TULP4: variants seen among roughly 807,000 people sequenced by gnomAD.
The protein encoded by TULP4 is tubby-related protein 4.
Under a neutral mutation model 129.0 loss-of-function variants are expected in TULP4, and 16 were observed. The ratio of observed to expected loss-of-function variants is 0.12; its 90% CI spans 0.08 to 0.19. The LOEUF (loss-of-function observed/expected upper bound fraction) is 0.19, where lower values mean the gene tolerates loss of function less well. Ranked by LOEUF, TULP4 falls within the 10% of genes least tolerant of loss-of-function variation. The pLI is 1.00. For missense variants in TULP4, 1,842 were observed against 2,059.1 expected, an observed-to-expected ratio of 0.89 and a Z score of 2.04; for synonymous variants, 998 against 854.0, an observed-to-expected ratio of 1.17 and a Z score of -2.94.
upstream of TULP4, among the ~76,000 whole-genome samples, chr6:158,311,897 T>TCA (rs1176876180): frequency 3.3e-5 from 5 of 152,248 alleles, no homozygotes; most frequent in African/African-American, 1.2e-4. Context: ...ATCCTTTCAC[T>TCA]ATTGGATTTT....
At chr6:158,420,429 T>G (rs991741449) in intron 2 of TULP4, among the ~76,000 whole-genome samples, 1 of 152,194 alleles carries the variant, frequency 6.6e-6, no homozygotes, top group African/African-American at 2.4e-5. Flanking sequence ...CTGAACACAG[T>G]GCAACTGGGT....
At chr6:158,257,229 C>G (rs955338771) in intron 1 of TULP4, among the ~76,000 whole-genome samples, 1 of 152,084 alleles carries the variant, frequency 6.6e-6, no homozygotes, top group African/African-American at 2.4e-5. Flanking sequence ...AGCCAGGACT[C>G]TGTTCGTTTC....
intron 1 of TULP4, among the ~76,000 whole-genome samples, chr6:158,337,396 G>T (rs531933813): frequency 2.0e-5 from 3 of 152,036 alleles, no homozygotes; most frequent in Non-Finnish European, 4.4e-5. Context: ...CTCTCAAAGT[G>T]CTGGGATTAC....
intron 1 of TULP4, among the ~76,000 whole-genome samples, chr6:158,355,562 T>G (rs1031853109): frequency 6.6e-6 from 1 of 152,062 alleles, no homozygotes; most frequent in African/African-American, 2.4e-5. Flanking sequence ...AGGTTCTGAA[T>G]AGGAGGGGAG....
chr6:158,438,587 G>C (rs1443950745), intron 3 of TULP4, among the ~76,000 whole-genome samples: 1 of 142,992 alleles, frequency 7.0e-6, no homozygotes, highest in African/African-American at 2.4e-5. Flanking sequence ...TTGTTTGTTT[G>C]TTTGTTTGTT....
upstream of TULP4, among the ~76,000 whole-genome samples, chr6:158,279,083 G>A (rs1268923004): frequency 4.6e-5 from 7 of 151,374 alleles, no homozygotes; most frequent in South Asian, 2.1e-4. Flanking sequence ...GGGACTAGGC[G>A]CCTGCCACTA....
At chr6:158,256,723 A>G (rs1035152834) in intron 1 of TULP4, among the ~76,000 whole-genome samples, 2 of 152,240 alleles carry the variant, frequency 1.3e-5, no homozygotes, top group Non-Finnish European at 2.9e-5. Context: ...AACTGCAATG[A>G]AAAGCTACAG....
chr6:158,389,462 A>AAAAC (rs952791552), intron 1 of TULP4, among the ~76,000 whole-genome samples: 10 of 152,106 alleles, frequency 6.6e-5, no homozygotes, highest in Admixed American at 4.6e-4. Context: ...TCTCTCTCTC[A>AAAAC]AAACAAACAA....
intron 1 of TULP4, among the ~76,000 whole-genome samples, chr6:158,305,317 CTGTGTGCGTGTG>C (rs1779199240): frequency 8.6e-6 from 1 of 115,902 alleles, no homozygotes; most frequent in Non-Finnish European, 1.8e-5. Flanking sequence ...ATATTTCATT[CTGTGTGCGTGTG>C]TGTGTGTGTG....
chr6:158,413,957 C>T lies in TULP4; in HGVS notation c.381+764C>T, dbSNP rs1778151342. Among the ~76,000 whole-genome samples, 1 of 152,208 alleles carries T rather than the reference C, an allele frequency of 6.6e-6. No homozygotes were observed. Among genetic ancestry groups the T allele is most frequent in the African/African-American group, 2.4e-5 (1 of 41,450 alleles). The stretch of plus-strand genomic sequence containing the variant: ...ACTATTTTAACTCTCAGAATGATTT[C>T]CCTGTGGCTGCCTTTCTATACACTT... On this transcript the variant is annotated intron_variant, in intron 2 of 13. Transcript: ENST00000367097. This position sits in a 1 kb window ranked among gnomAD's most constrained non-coding sequence, Gnocchi z 4.9.
At chr6:158,266,607 G>A (rs1029150267) in intron 1 of TULP4, among the ~76,000 whole-genome samples, 1 of 152,036 alleles carries the variant, frequency 6.6e-6, no homozygotes, top group Non-Finnish European at 1.5e-5. Flanking sequence ...CTACATATCC[G>A]CAGGTTCTGC....
chr6:158,479,747 C>T lies in TULP4; in HGVS notation c.1027-4C>T. 6.2e-7 allele frequency: 1 copy of T among 1,612,330 alleles called. No individual in the cohort carries two copies. On this transcript the variant is annotated splice_region_variant and splice_polypyrimidine_tract_variant and intron_variant, in intron 6 of 13. Transcript: ENST00000367097. The stretch of plus-strand genomic sequence containing the variant: ...AGCATTGTCTTCCCTTCACTTCCTG[C>T]CAGCGCCCCATCATCTCCATCTGCT...
chr6:158,303,572 T>C (rs975484738), intron 1 of TULP4, among the ~76,000 whole-genome samples: 2 of 152,010 alleles, frequency 1.3e-5, no homozygotes, highest in East Asian at 3.8e-4. Flanking sequence ...CCAACAAAGA[T>C]CACAAGGCAA....
chr6:158,329,350 T>A (rs1324260903), intron 1 of TULP4, among the ~76,000 whole-genome samples: 1 of 151,950 alleles, frequency 6.6e-6, no homozygotes, highest in Non-Finnish European at 1.5e-5. Flanking sequence ...CTGTATATAA[T>A]CCCTGTGACA....
intron 1 of TULP4, among the ~76,000 whole-genome samples, chr6:158,390,666 G>A (rs916069394): frequency 6.6e-6 from 1 of 152,172 alleles, no homozygotes; most frequent in African/African-American, 2.4e-5. Context: ...AACGAAGCCT[G>A]TGTACCAAAT....
intron 3 of TULP4, among the ~76,000 whole-genome samples, chr6:158,440,579 C>G (rs763402765): frequency 6.6e-6 from 1 of 152,160 alleles, no homozygotes; most frequent in Non-Finnish European, 1.5e-5. Flanking sequence ...GAATACCACA[C>G]AAGGGAGGCC....
chr6:158,386,631 C>T (rs1375567109), intron 1 of TULP4, among the ~76,000 whole-genome samples: 1 of 152,116 alleles, frequency 6.6e-6, no homozygotes, highest in Non-Finnish European at 1.5e-5. Context: ...AATATAGTCA[C>T]AGAATTCAGA....
Position 158,239,305 on chromosome 6 carries a change from C to T in TULP4, n.68+7002C>T, listed in dbSNP as rs1483417998. ...GGGGCTCCTCACTTCCCAGTAGGGG[C>T]GGCCGGGCAGAGGCGCCCCTCACCT... On this transcript the variant is annotated intron_variant and non_coding_transcript_variant, in intron 1 of 1. Transcript: ENST00000620026. 3.1e-4 allele frequency among the ~76,000 whole-genome samples: 15 copies of T among 48,346 alleles called. 1 individual carries two copies. Among genetic ancestry groups the T allele is most frequent in the South Asian group, 9.1e-4 (1 of 1,096 alleles). The allele number at this position is 48,346 out of a possible 152,430, so 31.7% of individuals were successfully genotyped here. A position where few individuals can be genotyped will look rare whatever the true frequency, so the allele number is the denominator to read the frequency against.
At chr6:158,494,930 G>A (rs1286742372) in intron 11 of TULP4, 84 bp downstream of exon 11, 3 of 1,132,028 alleles carry the variant, frequency 2.7e-6, no homozygotes, top group Non-Finnish European at 3.9e-6. Context: ...CTTAAACTAG[G>A]AGATGAACTT....
Sources: gnomAD v4.1 joint callset for allele counts (sites outside exome capture counted in the v4.1 genomes callset) on GRCh38, gnomAD v4.1.1 for gene constraint, Gnocchi (gnomAD v3.1) non-coding constraint, MANE v1.5 for transcripts, NCBI Gene and HGNC (gene_info 2026-07-23, HGNC 2026-07-21) for gene names.